TEX29: variants seen among roughly 807,000 people sequenced by gnomAD.
The protein encoded by TEX29 is testis-expressed protein 29.
TEX29 carries 26 observed loss-of-function variants against 18.2 expected under a neutral mutation model. That is an observed-to-expected ratio of 1.43 (90% CI 1.04 to 1.98). The LOEUF is 1.98. Ranked by LOEUF, TEX29 falls within the 30% of genes most tolerant of loss-of-function variation. TEX29 has a pLI of 0.00. For missense variants in TEX29, 177 were observed against 194.2 expected, an observed-to-expected ratio of 0.91 and a Z score of 0.53; for synonymous variants, 83 against 78.5, an observed-to-expected ratio of 1.06 and a Z score of -0.31.
At chr13:111,335,146 G>T (rs1265930815) in intron 3 of TEX29, among the ~76,000 whole-genome samples, 1 of 152,140 alleles carries the variant, frequency 6.6e-6, no homozygotes, top group African/African-American at 2.4e-5. Flanking sequence ...TTGGCAGGGG[G>T]GTTCTCGCTC....
At chr13:111,343,411 C>T (rs900406707) in intron 5 of TEX29, among the ~76,000 whole-genome samples, 4 of 150,348 alleles carry the variant, frequency 2.7e-5, no homozygotes, top group African/African-American at 4.9e-5. Context: ...GCCTGGTGGT[C>T]GTGGATGTGC....
intron 4 of TEX29, 76 bp from the exon 5 acceptor site, chr13:111,342,680 G>A: frequency 6.9e-7 from 1 of 1,449,022 alleles, no homozygotes; most frequent in Non-Finnish European, 9.4e-7. Flanking sequence ...GGGATGTCCT[G>A]GTGGGTGGGA....
chr13:111,318,725 GTCT>G (rs1403285286), upstream of TEX29, among the ~76,000 whole-genome samples: 3 of 152,216 alleles, frequency 2.0e-5, no homozygotes, highest in East Asian at 5.8e-4. Context: ...GAGAAGCAGT[GTCT>G]CTGCCTGGGA....
At chr13:111,339,376 A>G (rs977415861) in intron 3 of TEX29, 4 of 455,266 alleles carry the variant, frequency 8.8e-6, no homozygotes, top group South Asian at 1.6e-5. Context: ...GGCCAGCGCC[A>G]TCTCTCCACG....
At chr13:111,326,330 CGGGCAACGCGAGCCTGGGGCTGGTGGG>C (rs1567159591) in intron 2 of TEX29, among the ~76,000 whole-genome samples, 6,207 of 31,070 alleles carry the variant, frequency 0.2, 215 homozygotes, top group East Asian at 0.37. Flanking sequence ...GTGGAGACTG[CGGGCAACGCGAGCCTGGGGCTGGTGGG>C]TGTCTGGTGG....
chr13:111,327,059 C>G (rs1413270825), intron 2 of TEX29, among the ~76,000 whole-genome samples: 1 of 152,204 alleles, frequency 6.6e-6, no homozygotes, highest in Non-Finnish European at 1.5e-5. Flanking sequence ...CTCTTCCGGC[C>G]TCCCCCGACC....
rs1325564142 is a variant in TEX29, at chr13:111,339,851, A to C, written c.170-12A>C. ...CTGGATCGAAATGACTTCAAATCCC[A>C]CCATTTTTCAGTTTACATCCACGTG... On this transcript the variant is annotated splice_polypyrimidine_tract_variant and intron_variant, in intron 3 of 5. Coordinates refer to ENST00000283547, the MANE Select transcript of TEX29 (RefSeq NM_152324.3). 6.2e-7 allele frequency: 1 copy of C among 1,613,660 alleles called. No individual in the cohort carries two copies.
upstream of TEX29, among the ~76,000 whole-genome samples, chr13:111,320,223 C>T (rs113120620): frequency 5.6e-3 from 860 of 152,316 alleles, 2 homozygotes; most frequent in South Asian, 9.1e-3. Context: ...CCCCACGGCC[C>T]GGGCCTGGTC....
At chr13:111,316,546 A>G (rs751403258), upstream of TEX29, among the ~76,000 whole-genome samples, 5 of 152,108 alleles carry the variant, frequency 3.3e-5, no homozygotes, top group Non-Finnish European at 7.3e-5. Context: ...CTGGAATTCC[A>G]TGACCAAAGG....
chr13:111,339,136 G>A (rs760897543), intron 3 of TEX29, among the ~76,000 whole-genome samples: 53 of 152,328 alleles, frequency 3.5e-4, no homozygotes, highest in African/African-American at 7.2e-4. Flanking sequence ...CCAGGGTGGC[G>A]GGGCTGCCCC....
At chr13:111,320,988 G>GGGGGGGGCCC in intron 2 of TEX29, 40 bp downstream of exon 2, 1 of 431,434 alleles carries the variant, frequency 2.3e-6, no homozygotes, top group Non-Finnish European at 4.3e-6. Context: ...TGGGGTGGGG[G>GGGGGGGGCCC]AGCAGTTGGG....
intron 3 of TEX29, among the ~76,000 whole-genome samples, chr13:111,331,030 G>C (rs972652053): frequency 6.6e-6 from 1 of 152,158 alleles, no homozygotes; most frequent in Admixed American, 6.5e-5. Context: ...AGGTTTTTGT[G>C]CAAACATGTT....
At chr13:111,325,807 A>G (rs1595685820) in intron 2 of TEX29, among the ~76,000 whole-genome samples, 7 of 152,358 alleles carry the variant, frequency 4.6e-5, no homozygotes, top group Admixed American at 3.9e-4. Flanking sequence ...GAAAGAATGT[A>G]TGAACGTTTG....
In TEX29 at chr13:111,320,935, G is replaced by A. The variant is rs1224516229; in HGVS notation, c.45G>A (p.Leu15=). 7.3e-7 allele frequency: 1 copy of A among 1,373,368 alleles called. No homozygotes were observed. Among genetic ancestry groups the A allele is most frequent in the South Asian group, 1.1e-5 (1 of 87,836 alleles). The allele number at this position is 1,373,368 out of a possible 1,614,324, so 85.1% of individuals were successfully genotyped here. Residue 15 remains leucine (L), a synonymous_variant, in exon 2 of 6, where the codon CTG becomes CTA. Coordinates refer to ENST00000283547, the MANE Select transcript of TEX29 (RefSeq NM_152324.3). Reference sequence around the variant, plus strand: ...TGAAGAACTCTCCGCGGCACCTCCTGAAGCAATTCACAGGTATGGAGGGAA... The same window carrying A: ...TGAAGAACTCTCCGCGGCACCTCCTAAAGCAATTCACAGGTATGGAGGGAA... ...LEVKNSPRHL[L]KQFTVCDVPL... is the part of the protein sequence containing the mutation.
upstream of TEX29, chr13:111,316,195 C>T: frequency 2.0e-6 from 1 of 500,052 alleles, no homozygotes; most frequent in Non-Finnish European, 4.0e-6. Context: ...GTGAGTTCTC[C>T]TGGAAGAAGA....
At chr13:111,322,753 T>C (rs990504238) in intron 2 of TEX29, among the ~76,000 whole-genome samples, 2 of 152,250 alleles carry the variant, frequency 1.3e-5, no homozygotes, top group Non-Finnish European at 2.9e-5. Context: ...GCATTGTCTT[T>C]ATCATTCTTT....
intron 4 of TEX29, 79 bp from the exon 5 acceptor site, chr13:111,342,677 C>A (rs1314382007): frequency 1.1e-5 from 15 of 1,423,670 alleles, no homozygotes; most frequent in Non-Finnish European, 1.4e-5. Flanking sequence ...AGAGGGATGT[C>A]CTGGTGGGTG....
In TEX29 at chr13:111,342,831, G is replaced by T. The variant is rs771364689; in HGVS notation, c.315G>T (p.Ala105=). The T allele has an allele frequency of 6.2e-7, 1 of 1,614,030 alleles. No individual in the cohort carries two copies. The highest frequency in any genetic ancestry group is 1.3e-5 in the African/African-American group (1 of 74,920). Residue 105 remains alanine, a synonymous_variant, in exon 5 of 6, where the codon GCG becomes GCT. Transcript: ENST00000283547. ...TGCCACAGAAGTCCAGCGAAAAGGCGGAGTTGGCCTCATCCAGCAGCAAGT... is the reference window on the plus strand; with the variant it reads ...TGCCACAGAAGTCCAGCGAAAAGGCTGAGTTGGCCTCATCCAGCAGCAAGT... ...VALPQKSSEK[A]ELASSSSKLG... is the part of the protein sequence containing the mutation.
At chr13:111,316,317 G>A (rs575041172), upstream of TEX29, 16 of 462,924 alleles carry the variant, frequency 3.5e-5, no homozygotes, top group African/African-American at 2.4e-4. Context: ...CCTGAGGAAG[G>A]TGTGGGGCAT....
Sources: gnomAD v4.1 joint callset for allele counts (sites outside exome capture counted in the v4.1 genomes callset) on GRCh38, gnomAD v4.1.1 for gene constraint, MANE v1.5 for transcripts, NCBI Gene and HGNC (gene_info 2026-07-23, HGNC 2026-07-21) for gene names.